The following GUCY2C variants were observed in gnomAD, a reference collection of about 807,000 sequenced individuals.
GUCY2C encodes the protein guanylate cyclase 2C.
A neutral mutation model predicts 131.1 loss-of-function variants in GUCY2C; 118 were observed. That is an observed-to-expected ratio of 0.90 (90% CI 0.78 to 1.05). The LOEUF is 1.05. Among genes scored for constraint, GUCY2C ranks in the 50% least tolerant of loss-of-function variants. GUCY2C has a pLI of 0.00. For missense variants in GUCY2C, 1,161 were observed against 1,304.4 expected, an observed-to-expected ratio of 0.89 and a Z score of 1.69; for synonymous variants, 452 against 457.8, an observed-to-expected ratio of 0.99 and a Z score of 0.16.
At chr12:14,658,055 T>C (rs1190196667) in intron 11 of GUCY2C, among the ~76,000 whole-genome samples, 2 of 152,330 alleles carry the variant, frequency 1.3e-5, no homozygotes, top group Non-Finnish European at 2.9e-5. Context: ...TGATTACAAG[T>C]GATATTATCC....
chr12:14,650,277 C>T (rs944187019), intron 15 of GUCY2C, among the ~76,000 whole-genome samples: 1 of 152,136 alleles, frequency 6.6e-6, no homozygotes, highest in African/African-American at 2.4e-5. Context: ...GAGACGGAGT[C>T]TCGCTCTGTT....
chr12:14,640,988 T>C, intron 18 of GUCY2C, 94 bp downstream of exon 18: 2 of 1,069,204 alleles, frequency 1.9e-6, no homozygotes, highest in Admixed American at 2.0e-5. Flanking sequence ...TTGAAGGAAT[T>C]GTGATGTGGT....
intron 6 of GUCY2C, among the ~76,000 whole-genome samples, chr12:14,677,749 T>TTG (rs1314163829): frequency 6.7e-6 from 1 of 149,430 alleles, no homozygotes; most frequent in African/African-American, 2.5e-5. Context: ...TTTTTTTTTT[T>TTG]TTGTATTTTT....
In GUCY2C at chr12:14,628,744, G is replaced by GA. The variant is rs3217210; in HGVS notation, c.2158-8dup. The GA allele has an allele frequency of 0.42, 559,672 of 1,332,736 alleles. 103,761 individuals are homozygous for GA. Among genetic ancestry groups the GA allele is most frequent in the Admixed American group, 0.62 (34,474 of 55,330 alleles). 82.6% of individuals were successfully genotyped at this position (1,332,736 alleles called of 1,614,324 possible). On this transcript the variant is annotated splice_region_variant and splice_polypyrimidine_tract_variant and intron_variant, in intron 19 of 26. Transcript: ENST00000261170. ...TTTTTACAAGTAGGTACACCTGGAA[G>GA]AAAAAAAAACGGGCAAATTAGCTAA...
chr12:14,663,422 C>T (rs1287320758), intron 10 of GUCY2C, among the ~76,000 whole-genome samples: 1 of 152,150 alleles, frequency 6.6e-6, no homozygotes, highest in Non-Finnish European at 1.5e-5. Context: ...TCTGGGATTA[C>T]AGGCGCACGC....
chr12:14,650,952 T>C lies in GUCY2C; in HGVS notation c.1710+455A>G, dbSNP rs114499072. ...TTAGTTCCTCTGTTTGCTTTGGACT[T>C]GCTCAGTCCAAATACCTGACCTCAT... is the stretch of plus-strand genomic sequence containing the variant. On this transcript the variant is annotated intron_variant, in intron 15 of 26. Coordinates refer to ENST00000261170, the MANE Select transcript of GUCY2C (RefSeq NM_004963.4). 5.9e-3 allele frequency among the ~76,000 whole-genome samples: 903 copies of C among 152,294 alleles called. 6 individuals carry two copies. Among genetic ancestry groups the C allele is most frequent in the African/African-American group, 0.02 (851 of 41,564 alleles).
At chr12:14,620,478 G>C (rs748588651) in intron 23 of GUCY2C, among the ~76,000 whole-genome samples, 1 of 152,132 alleles carries the variant, frequency 6.6e-6, no homozygotes, top group Non-Finnish European at 1.5e-5. Flanking sequence ...ATTATTCTTT[G>C]CTCAATCAAA....
chr12:14,639,040 T>C (rs1323199560), intron 19 of GUCY2C, among the ~76,000 whole-genome samples: 2 of 152,160 alleles, frequency 1.3e-5, no homozygotes, highest in Non-Finnish European at 2.9e-5. Context: ...ACCTATTATG[T>C]AATCCCAGCG....
chr12:14,663,755 C>T (rs1947916288), intron 10 of GUCY2C, among the ~76,000 whole-genome samples: 1 of 152,176 alleles, frequency 6.6e-6, no homozygotes, highest in South Asian at 2.1e-4. Flanking sequence ...CATTCCTGTT[C>T]ATCCTTACAC....
At chr12:14,681,551 C>T in intron 4 of GUCY2C, 74 bp from the exon 5 acceptor site, 1 of 1,260,078 alleles carries the variant, frequency 7.9e-7, no homozygotes, top group Non-Finnish European at 1.2e-6. Flanking sequence ...TTCTTATTTG[C>T]AGATCTATCC....
chr12:14,641,676 C>T (rs932878451), intron 17 of GUCY2C, among the ~76,000 whole-genome samples: 5 of 152,110 alleles, frequency 3.3e-5, no homozygotes, highest in South Asian at 2.1e-4. Context: ...TAGTGGCTTA[C>T]GCTGGTAATC....
In GUCY2C at chr12:14,661,010, C is replaced by G. The variant is rs1264806730; in HGVS notation, c.1335G>C (p.Leu445=). The part of the protein sequence containing the change: ...AVFTLTGAVV[L]LLLVALLMLR... ...GCATCAGGAGAGCGACGAGCAGGAG[C>G]AGCACCACAGCTCCAGTGAGGGTGA... Residue 445 remains leucine (L), a synonymous_variant, in exon 11 of 27, where the codon CTG becomes CTC. Transcript: ENST00000261170. 9.9e-6 allele frequency: 16 copies of G among 1,613,088 alleles called. No individual in the cohort carries two copies. The highest frequency in any genetic ancestry group is 1.4e-5 in the Non-Finnish European group (16 of 1,179,130).
chr12:14,641,063 T>A lies in GUCY2C; in HGVS notation c.2068+19A>T. The A allele has an allele frequency of 3.1e-6, 5 of 1,611,828 alleles. No individual in the cohort carries two copies. The highest frequency in any genetic ancestry group is 4.2e-6 in the Non-Finnish European group (5 of 1,178,892). On this transcript the variant is annotated intron_variant, in intron 18 of 26. Transcript: ENST00000261170. ...TTGGCTCACTCCCAGAGGGGACACA[T>A]GAATGGGTTTAGATGTACCATTCCG...
chr12:14,618,620 G>A (rs1363035623), intron 24 of GUCY2C, among the ~76,000 whole-genome samples: 1 of 152,112 alleles, frequency 6.6e-6, no homozygotes, highest in East Asian at 1.9e-4. Context: ...GGGCAACATA[G>A]TGAGACCCAG....
At chr12:14,633,585 A>G (rs998822270) in intron 19 of GUCY2C, among the ~76,000 whole-genome samples, 1 of 152,126 alleles carries the variant, frequency 6.6e-6, no homozygotes, top group African/African-American at 2.4e-5. Context: ...AAATTAATAA[A>G]ATTCTGGAAA....
intron 4 of GUCY2C, 93 bp downstream of exon 4, chr12:14,682,949 G>T: frequency 1.3e-6 from 1 of 776,662 alleles, no homozygotes; most frequent in East Asian, 2.6e-5. Context: ...TGTTACCAGT[G>T]GAAGGTGCAT....
chr12:14,650,105 T>A (rs1447945472), intron 15 of GUCY2C, among the ~76,000 whole-genome samples: 1 of 150,994 alleles, frequency 6.6e-6, no homozygotes, highest in Non-Finnish European at 1.5e-5. Context: ...AATAATTTTG[T>A]TTTTTAAGTA....
intron 19 of GUCY2C, among the ~76,000 whole-genome samples, chr12:14,633,789 A>G (rs1279382570): frequency 6.6e-6 from 1 of 152,048 alleles, no homozygotes; most frequent in African/African-American, 2.4e-5. Flanking sequence ...GAAAGCTTCA[A>G]CAATATGCTA....
At chr12:14,651,271 A>T in intron 15 of GUCY2C, 136 bp downstream of exon 15, 2 of 515,032 alleles carry the variant, frequency 3.9e-6, no homozygotes, top group Non-Finnish European at 6.9e-6. Context: ...AATCTCGGGG[A>T]TCTAGTTTGG....
Sources: gnomAD v4.1 joint callset for allele counts (sites outside exome capture counted in the v4.1 genomes callset) on GRCh38, gnomAD v4.1.1 for gene constraint, MANE v1.5 for transcripts, NCBI Gene and HGNC (gene_info 2026-07-23, HGNC 2026-07-21) for gene names.